Variants in SPICE1 observed in about 807,000 individuals in gnomAD.
SPICE1 encodes spindle and centriole-associated protein 1.
Under a neutral mutation model 102.7 loss-of-function variants are expected in SPICE1, and 75 were observed. That is an observed-to-expected ratio of 0.73 (90% CI 0.61 to 0.88). SPICE1 has a LOEUF of 0.88. Among genes scored for constraint, SPICE1 ranks in the 40% least tolerant of loss-of-function variants. The probability of loss-of-function intolerance (pLI) is 0.00; values close to 1 mark genes in which losing one functional copy is unlikely to be tolerated. For missense variants in SPICE1, 979 were observed against 1,020.1 expected (o/e 0.96, Z 0.55); for synonymous variants, 308 against 350.3 (o/e 0.88, Z 1.35).
intron 10 of SPICE1, among the ~76,000 whole-genome samples, chr3:113,466,073 A>ATATACACTG (rs1327414541): frequency 6.6e-6 from 1 of 152,234 alleles, no homozygotes; most frequent in East Asian, 1.9e-4. Context: ...TATTATTTGA[A>ATATACACTG]TATACACTGA....
At chr3:113,461,113 A>T (rs1406616896) in intron 11 of SPICE1, among the ~76,000 whole-genome samples, 2 of 152,028 alleles carry the variant, frequency 1.3e-5, no homozygotes, top group Non-Finnish European at 2.9e-5. Context: ...CTAACTCTTA[A>T]ACTACCCCCA....
intron 10 of SPICE1, 132 bp downstream of exon 10, chr3:113,468,007 A>C: frequency 8.5e-7 from 1 of 1,177,428 alleles, no homozygotes. Flanking sequence ...CAGATAATCT[A>C]AAACTGAGGT....
intron 9 of SPICE1, 139 bp downstream of exon 9, chr3:113,468,623 T>C: frequency 2.7e-6 from 3 of 1,118,244 alleles, no homozygotes; most frequent in Non-Finnish European, 3.8e-6. Context: ...GTAGGAGACA[T>C]TTCTTAGCTA....
intron 12 of SPICE1, chr3:113,460,047 T>C (rs945549890): frequency 2.0e-6 from 2 of 985,262 alleles, no homozygotes; most frequent in Non-Finnish European, 2.4e-6. Flanking sequence ...CAGATACTCA[T>C]CAAAGTCTTA....
rs1935430391 is a variant in SPICE1 at position 113,443,283 on chromosome 3, C to T, written c.*2024G>A. The T allele has an allele frequency of 6.6e-6, 1 of 152,196 alleles. No individual in the cohort carries two copies. Among genetic ancestry groups the T allele is most frequent in the Admixed American group, 6.5e-5 (1 of 15,272 alleles). The allele number at this position is 152,196 out of a possible 1,614,324, so 9.4% of individuals were successfully genotyped here. ...TGTCCAAAGTACACAGCTCAAGTGGCAGAAATGGCATTTGAGGCAAGATTT... is the reference window on the plus strand; with the variant it reads ...TGTCCAAAGTACACAGCTCAAGTGGTAGAAATGGCATTTGAGGCAAGATTT... On this transcript the variant is annotated 3_prime_UTR_variant, in exon 18 of 18. Transcript: ENST00000295872.
At chr3:113,465,578 C>T in intron 11 of SPICE1, 75 bp downstream of exon 11, 1 of 1,374,108 alleles carries the variant, frequency 7.3e-7, no homozygotes, top group Non-Finnish European at 1.0e-6. Flanking sequence ...AAAAGCAACT[C>T]TAAGAGAATC....
At chr3:113,465,626 A>G (rs1192530865) in intron 11 of SPICE1, 27 bp downstream of exon 11, 2 of 1,603,150 alleles carry the variant, frequency 1.2e-6, no homozygotes, top group Non-Finnish European at 1.7e-6. Context: ...CACTGAACAC[A>G]TAAAAATTGG....
chr3:113,451,185 A>G (rs1444434129), intron 14 of SPICE1, among the ~76,000 whole-genome samples: 1 of 152,194 alleles, frequency 6.6e-6, no homozygotes, highest in African/African-American at 2.4e-5. Flanking sequence ...CACTCCTTCT[A>G]ACCATATGTC....
At chr3:113,504,468 G>A (rs1411005893) in intron 2 of SPICE1, among the ~76,000 whole-genome samples, 1 of 150,076 alleles carries the variant, frequency 6.7e-6, no homozygotes, top group Non-Finnish European at 1.5e-5. Context: ...GTGTGCGCTT[G>A]TAGTCTCAGC....
chr3:113,500,489 A>T (rs531809388), intron 3 of SPICE1, among the ~76,000 whole-genome samples: 20 of 152,200 alleles, frequency 1.3e-4, no homozygotes, highest in African/African-American at 4.6e-4. Context: ...CTTTTGTTGG[A>T]TGTAATAATG....
chr3:113,478,290 G>T (rs1374642741), intron 7 of SPICE1, among the ~76,000 whole-genome samples: 1 of 152,066 alleles, frequency 6.6e-6, no homozygotes, highest in Non-Finnish European at 1.5e-5. Context: ...ACTGAACTCT[G>T]CATTGTATAC....
intron 4 of SPICE1, among the ~76,000 whole-genome samples, chr3:113,497,707 CTTTT>C (rs1165475734): frequency 5.7e-4 from 52 of 91,348 alleles, no homozygotes; most frequent in Non-Finnish European, 6.1e-4. Context: ...AGAAAGAGAG[CTTTT>C]TTTTTTTTTT....
In SPICE1 at chr3:113,469,112, T is replaced by C; in HGVS notation, c.738A>G (p.Ser246=). 3.1e-6 allele frequency: 5 copies of C among 1,613,026 alleles called. No individual in the cohort carries two copies. Among genetic ancestry groups the C allele is most frequent in the Non-Finnish European group, 4.2e-6 (5 of 1,179,612 alleles). The change falls in exon 8 of 18, where the codon TCA becomes TCG. Residue 246 remains serine, a synonymous_variant. Coordinates refer to ENST00000295872, the MANE Select transcript of SPICE1 (RefSeq NM_144718.4). The part of the protein sequence containing the change: ...PPGTPSSALS[S]GEQRAALNAT... ...AGGGAAACAAACCTCTTTGCTCCCC[T>C]GATGAAAGAGCAGATGATGGCGTTC...
intron 17 of SPICE1, 60 bp downstream of exon 17, chr3:113,446,529 A>C (rs1226845865): frequency 8.1e-6 from 10 of 1,232,498 alleles, no homozygotes; most frequent in African/African-American, 1.5e-5. Flanking sequence ...GAAATCACTA[A>C]ATCAGCCACC....
At chr3:113,492,772 G>T (rs1255246380) in intron 6 of SPICE1, among the ~76,000 whole-genome samples, 2 of 152,116 alleles carry the variant, frequency 1.3e-5, no homozygotes, top group South Asian at 4.1e-4. Flanking sequence ...TAAGAAATCA[G>T]CTCAAGAACA....
intron 1 of SPICE1, among the ~76,000 whole-genome samples, chr3:113,514,054 G>C (rs1937276775): frequency 6.6e-6 from 1 of 152,218 alleles, no homozygotes; most frequent in Admixed American, 6.5e-5. Flanking sequence ...TTTGCACTGA[G>C]AGCTAAAATA....
intron 6 of SPICE1, among the ~76,000 whole-genome samples, chr3:113,491,591 C>T (rs995246910): frequency 1.4e-5 from 2 of 138,956 alleles, no homozygotes; most frequent in Admixed American, 7.6e-5. Flanking sequence ...CACCACTGCA[C>T]TCCAGCCTGG....
intron 6 of SPICE1, among the ~76,000 whole-genome samples, chr3:113,491,724 C>T (rs905304085): frequency 6.6e-6 from 1 of 151,224 alleles, no homozygotes; most frequent in African/African-American, 2.4e-5. Flanking sequence ...TATCCTCTCT[C>T]TCCTCCCTCA....
chr3:113,446,873 G>A (rs1327860180), intron 16 of SPICE1, among the ~76,000 whole-genome samples, 197 bp from the exon 17 acceptor site: 2 of 152,116 alleles, frequency 1.3e-5, no homozygotes, highest in African/African-American at 2.4e-5. Flanking sequence ...TAGTGATATG[G>A]TTTGGCTGTG....
Sources: allele counts gnomAD v4.1 joint callset (sites outside exome capture counted in the v4.1 genomes callset), GRCh38; gene constraint gnomAD v4.1.1; transcripts MANE v1.5; gene names NCBI Gene and HGNC (gene_info 2026-07-23, HGNC 2026-07-21).